The following PACRGL variants were observed in gnomAD, a reference collection of about 807,000 sequenced individuals.
The protein encoded by PACRGL is parkin coregulated like.
Under a neutral mutation model 34.5 loss-of-function variants are expected in PACRGL, and 38 were observed. The observed-to-expected ratio is 1.10, with a 90% confidence interval of 0.85 to 1.44. The LOEUF (loss-of-function observed/expected upper bound fraction) is 1.44. Among genes scored for constraint, PACRGL ranks in the 40% most tolerant of loss-of-function variants. PACRGL has a pLI of 0.00. For missense variants in PACRGL, 305 were observed against 281.4 expected (o/e 1.08, Z -0.60); for synonymous variants, 128 against 100.1 (o/e 1.28, Z -1.66).
At chr4:20,754,174 C>T (rs57651741), downstream of PACRGL, among the ~76,000 whole-genome samples, 18,342 of 152,104 alleles carry the variant, frequency 0.12, 1,264 homozygotes, top group South Asian at 0.19. Context: ...CATACTTTAT[C>T]CCCTGCCAAC....
At chr4:20,733,018 A>T (rs1748713295), downstream of PACRGL, among the ~76,000 whole-genome samples, 1 of 152,200 alleles carries the variant, frequency 6.6e-6, no homozygotes, top group South Asian at 2.1e-4. Context: ...TTTCAAAAGG[A>T]AGCAAATTTC....
At chr4:20,746,472 G>A (rs1351065520) in intron 8 of PACRGL, among the ~76,000 whole-genome samples, 1 of 151,822 alleles carries the variant, frequency 6.6e-6, no homozygotes, top group Non-Finnish European at 1.5e-5. Flanking sequence ...GTATACCTAT[G>A]TGACAAAAAT....
chr4:20,714,816 ACT>A (rs1227653123), intron 7 of PACRGL, among the ~76,000 whole-genome samples: 1 of 152,140 alleles, frequency 6.6e-6, no homozygotes, highest in Admixed American at 6.5e-5. Flanking sequence ...ACACTTTTAC[ACT>A]GTTGGTGGAA....
chr4:20,753,212 C>T (rs1753945454), downstream of PACRGL, among the ~76,000 whole-genome samples: 1 of 152,084 alleles, frequency 6.6e-6, no homozygotes, highest in African/African-American at 2.4e-5. Context: ...TAGTGACATA[C>T]TGAGGTCACC....
the PACRGL span, among the ~76,000 whole-genome samples, chr4:20,760,853 G>C: frequency 6.6e-6 from 1 of 152,176 alleles, no homozygotes; most frequent in Admixed American, 6.6e-5. Context: ...GAGCAAGCAA[G>C]CAAGCAAGTG....
chr4:20,765,956 A>C, the PACRGL span, among the ~76,000 whole-genome samples: 1 of 152,194 alleles, frequency 6.6e-6, no homozygotes, highest in African/African-American at 2.4e-5. Flanking sequence ...TACTAATATC[A>C]ATTTTAATAA....
At chr4:20,700,303 G>T (rs1407897794), upstream of PACRGL, 1 of 152,290 alleles carries the variant, frequency 6.6e-6, no homozygotes, top group Non-Finnish European at 1.5e-5. Context: ...CCTGCAGTGC[G>T]TGAGCTGCCC....
the PACRGL span, chr4:20,758,936 A>C: frequency 2.6e-6 from 4 of 1,536,472 alleles, no homozygotes; most frequent in South Asian, 4.5e-5. Flanking sequence ...TGTTCATAAA[A>C]CTGAATTTTT....
chr4:20,729,225 C>CTATATACTGGAGGATAG lies in PACRGL; in HGVS notation c.*1885_*1901dup, dbSNP rs563109869. On this transcript the variant is annotated 3_prime_UTR_variant, in exon 9 of 9. Transcript: ENST00000503585. The stretch of plus-strand genomic sequence containing the variant: ...TAGGATTACTTGTTATTAAGCATTA[C>CTATATACTGGAGGATAG]TATATACTGGAGGATAGATATCCTG... 1.3e-3 allele frequency: 192 copies of CTATATACTGGAGGATAG among 152,476 alleles called. No individual in the cohort carries two copies. Among genetic ancestry groups the CTATATACTGGAGGATAG allele is most frequent in the African/African-American group, 4.4e-3 (182 of 41,536 alleles). 9.4% of individuals were successfully genotyped at this position (152,476 alleles called of 1,614,324 possible). A position where few individuals can be genotyped will look rare whatever the true frequency, so the allele number is the denominator to read the frequency against.
intron 4 of PACRGL, 56 bp from the exon 5 acceptor site, chr4:20,709,627 C>G (rs1462929415): frequency 2.3e-5 from 26 of 1,146,548 alleles, no homozygotes; most frequent in Middle Eastern, 2.5e-4. Context: ...TAGATTATCC[C>G]TGCTTAATAT....
rs756992261 is a variant in PACRGL at position 20,704,722 on chromosome 4, A to G, written c.115A>G (p.Ser39Gly). 4 of 1,614,112 alleles carry G rather than the reference A, an allele frequency of 2.5e-6. No homozygotes were observed. The highest frequency in any genetic ancestry group is 3.4e-6 in the Non-Finnish European group (4 of 1,179,952). ...AAAACACAGGAATGCAGTTCAGGGAAGCAAATCCTCATTGTCAACCAGTTC... is the reference window on the plus strand; with the variant it reads ...AAAACACAGGAATGCAGTTCAGGGAGGCAAATCCTCATTGTCAACCAGTTC... ...QLKHRNAVQG[S>G]KSSLSTSSPE... Residue 39 changes from serine to glycine, a missense_variant, in exon 3 of 9, where the codon AGC becomes GGC. By Grantham distance (56) the Ser-to-Gly change is moderately conservative. Transcript: ENST00000503585.
chr4:20,751,553 T>C (rs1753642005), intron 8 of PACRGL, among the ~76,000 whole-genome samples: 1 of 152,008 alleles, frequency 6.6e-6, no homozygotes. Flanking sequence ...AAAAAAGAGA[T>C]TTTGCATATT....
intron 3 of PACRGL, among the ~76,000 whole-genome samples, chr4:20,706,831 C>G (rs1734697779): frequency 6.6e-6 from 1 of 152,156 alleles, no homozygotes; most frequent in African/African-American, 2.4e-5. Flanking sequence ...GCCTCAGCCT[C>G]CCAAAGTGCT....
rs1746918634 is a variant in PACRGL at position 20,728,948 on chromosome 4, C to CTAAATCATACTGTAATCTGGATTAG, written c.*1609_*1633dup. On this transcript the variant is annotated 3_prime_UTR_variant, in exon 9 of 9. Transcript: ENST00000503585. ...TAAAAATAATCTGAATTATGATGAG[C>CTAAATCATACTGTAATCTGGATTAG]TAAATCATACTGTAATCTGGATTAG... is the stretch of plus-strand genomic sequence containing the variant. 1 of 151,884 alleles carries CTAAATCATACTGTAATCTGGATTAG rather than the reference C, an allele frequency of 6.6e-6. No individual in the cohort carries two copies. The highest frequency in any genetic ancestry group is 1.5e-5 in the Non-Finnish European group (1 of 68,018). 9.4% of individuals were successfully genotyped at this position (151,884 alleles called of 1,614,324 possible). A position where few individuals can be genotyped will look rare whatever the true frequency, so the allele number is the denominator to read the frequency against.
intron 8 of PACRGL, among the ~76,000 whole-genome samples, chr4:20,743,753 A>C (rs2149314890): frequency 6.6e-6 from 1 of 152,300 alleles, no homozygotes; most frequent in African/African-American, 2.4e-5. Flanking sequence ...TGGCAACAAA[A>C]GCCAAAATTG....
At chr4:20,752,066 T>TC (rs1553889564) in intron 8 of PACRGL, among the ~76,000 whole-genome samples, 9 of 149,992 alleles carry the variant, frequency 6.0e-5, no homozygotes, top group East Asian at 2.0e-4. Context: ...TTTTTTTTTT[T>TC]TTTTTTTTTG....
chr4:20,731,872 G>A lies in PACRGL; in HGVS notation c.*4531G>A. 6.9e-7 allele frequency: 1 copy of A among 1,445,746 alleles called. No individual in the cohort carries two copies. Among genetic ancestry groups the A allele is most frequent in the African/African-American group, 1.4e-5 (1 of 69,972 alleles). The allele number at this position is 1,445,746 out of a possible 1,614,324, so 89.6% of individuals were successfully genotyped here. On this transcript the variant is annotated 3_prime_UTR_variant, in exon 9 of 9. Coordinates refer to ENST00000503585, the MANE Select transcript of PACRGL (RefSeq NM_001258345.3). The stretch of plus-strand genomic sequence containing the variant: ...CTTGTTTTCAGAGTGGTAGGCTTAT[G>A]CTGCATGTTGTAGAAGTGGTAAACT...
downstream of PACRGL, among the ~76,000 whole-genome samples, chr4:20,735,320 C>T (rs1332925547): frequency 1.3e-5 from 2 of 152,036 alleles, no homozygotes; most frequent in Non-Finnish European, 2.9e-5. Flanking sequence ...CCTCAATTTT[C>T]GTATCTGTAA....
chr4:20,729,416 T>C lies in PACRGL; in HGVS notation c.*2075T>C, dbSNP rs1243087663. ...CTTGGCTGTAACATATTATGGAAAA[T>C]TAAATGCTTATTAAAATAAGTTTTA... On this transcript the variant is annotated 3_prime_UTR_variant, in exon 9 of 9. Transcript: ENST00000503585. The C allele has an allele frequency of 6.6e-6, 1 of 152,156 alleles. No individual in the cohort carries two copies. Among genetic ancestry groups the C allele is most frequent in the African/African-American group, 2.4e-5 (1 of 41,348 alleles). The allele number at this position is 152,156 out of a possible 1,614,324, so 9.4% of individuals were successfully genotyped here.
Sources: gnomAD v4.1 joint callset for allele counts (sites outside exome capture counted in the v4.1 genomes callset) on GRCh38, gnomAD v4.1.1 for gene constraint, MANE v1.5 for transcripts, NCBI Gene and HGNC (gene_info 2026-07-23, HGNC 2026-07-21) for gene names.